The following SOX6 variants were observed in gnomAD, a reference collection of about 807,000 sequenced individuals.
SOX6 encodes the protein transcription factor SOX-6.
Under a neutral mutation model 97.8 loss-of-function variants are expected in SOX6, and 11 were observed. The ratio of observed to expected loss-of-function variants is 0.11; its 90% confidence interval spans 0.07 to 0.19. SOX6 has a LOEUF of 0.19. Ranked by LOEUF, SOX6 falls within the 10% of genes least tolerant of loss-of-function variation. The pLI is 1.00. For missense variants in SOX6, 810 were observed against 1,039.5 expected, an observed-to-expected ratio of 0.78 and a Z score of 3.04; for synonymous variants, 360 against 371.4, an observed-to-expected ratio of 0.97 and a Z score of 0.35.
chr11:16,640,991 A>C (rs1848902306), intron 3 of SOX6, among the ~76,000 whole-genome samples: 1 of 151,900 alleles, frequency 6.6e-6, no homozygotes. Context: ...AGTTCTTTTA[A>C]GTGTGATGTT....
intron 4 of SOX6, among the ~76,000 whole-genome samples, chr11:16,570,344 A>G (rs956971528): frequency 1.3e-5 from 2 of 152,152 alleles, no homozygotes; most frequent in African/African-American, 4.8e-5. Flanking sequence ...ACATATTTAA[A>G]CTTAATACAG....
At chr11:16,468,810 C>T (rs10832611) in intron 1 of SOX6, among the ~76,000 whole-genome samples, 152,312 of 152,312 alleles carry the variant, frequency 1, 76,156 homozygotes, top group Non-Finnish European at 1. Context: ...AAAGCCCTGA[C>T]TTTAAGAGTA....
rs754882233 is a variant in SOX6 at position 16,097,596 on chromosome 11, T to G, written c.978+13A>C. ...CTGGCTCATATCCCACATTTTTTTC[T>G]TCTGGCACTTACCTGGAGCTGTAAA... On this transcript the variant is annotated intron_variant, in intron 8 of 15. Transcript: ENST00000683767. 6.2e-7 allele frequency: 1 copy of G among 1,610,512 alleles called. No individual in the cohort carries two copies. The highest frequency in any genetic ancestry group is 8.5e-7 in the Non-Finnish European group (1 of 1,177,518).
chr11:16,596,010 T>C (rs1426036977), intron 4 of SOX6, among the ~76,000 whole-genome samples: 1 of 152,204 alleles, frequency 6.6e-6, no homozygotes, highest in African/African-American at 2.4e-5. Context: ...GAAGTTATGA[T>C]ATACACCAAC....
chr11:16,158,871 T>C (rs1170809405), intron 6 of SOX6, among the ~76,000 whole-genome samples: 1 of 135,880 alleles, frequency 7.4e-6, no homozygotes, highest in Non-Finnish European at 1.5e-5. Context: ...TACAGGTGTG[T>C]GTGTGTGTGT....
chr11:16,575,191 G>A (rs1428611876), intron 4 of SOX6, among the ~76,000 whole-genome samples: 2 of 152,030 alleles, frequency 1.3e-5, no homozygotes, highest in Admixed American at 6.6e-5. Context: ...TTTAAACCAT[G>A]GTAAGACAAC....
chr11:16,445,435 G>C (rs895724021), intron 1 of SOX6, among the ~76,000 whole-genome samples: 2 of 152,090 alleles, frequency 1.3e-5, no homozygotes. Context: ...CGTCCAACAT[G>C]GTTGCAGCCA....
rs1308195510 is a variant in SOX6, at chr11:15,971,006, G to C, written c.*1803C>G. 1 of 152,380 alleles carries C rather than the reference G, an allele frequency of 6.6e-6. No individual in the cohort carries two copies. The highest frequency in any genetic ancestry group is 6.5e-5 in the Admixed American group (1 of 15,272). 9.4% of individuals were successfully genotyped at this position (152,380 alleles called of 1,614,324 possible). ...AGGAGATGGGGAATAAAACCTCACT[G>C]CTTCCCACCCCAGTAGCATGTCTTC... On this transcript the variant is annotated 3_prime_UTR_variant, in exon 16 of 16. Coordinates refer to ENST00000683767, the MANE Select transcript of SOX6 (RefSeq NM_001367873.1).
intron 13 of SOX6, among the ~76,000 whole-genome samples, chr11:16,008,348 T>C (rs1462886848): frequency 2.0e-5 from 3 of 152,108 alleles, no homozygotes; most frequent in African/African-American, 7.2e-5. Context: ...TAGACAGTTA[T>C]TTCTTCCCCA....
chr11:16,179,974 T>G (rs1313976629), intron 6 of SOX6, among the ~76,000 whole-genome samples: 1 of 151,816 alleles, frequency 6.6e-6, no homozygotes, highest in East Asian at 1.9e-4. Context: ...TTGCAAAGAC[T>G]CAGTTCTAGT....
At chr11:16,329,224 C>T (rs1434315671) in intron 2 of SOX6, among the ~76,000 whole-genome samples, 1 of 151,822 alleles carries the variant, frequency 6.6e-6, no homozygotes, top group African/African-American at 2.4e-5. Flanking sequence ...ATTTCAATTC[C>T]CAGAAAAAAA....
intron 2 of SOX6, among the ~76,000 whole-genome samples, chr11:16,339,592 C>T (rs888171429): frequency 2.6e-5 from 4 of 151,958 alleles, no homozygotes; most frequent in Non-Finnish European, 2.9e-5. Context: ...TCACACATAG[C>T]AAACATCACA....
At chr11:16,261,605 T>G (rs1350583771) in intron 3 of SOX6, among the ~76,000 whole-genome samples, 1 of 151,512 alleles carries the variant, frequency 6.6e-6, no homozygotes, top group African/African-American at 2.4e-5. Context: ...TTTTGTGTAG[T>G]TTTTCTTAAT....
chr11:16,241,082 C>T (rs1302906751), intron 3 of SOX6, among the ~76,000 whole-genome samples: 1 of 152,012 alleles, frequency 6.6e-6, no homozygotes, highest in African/African-American at 2.4e-5. Context: ...GCCAGTTCTC[C>T]TATGCACACT....
chr11:16,569,729 C>T (rs547507291), intron 4 of SOX6, among the ~76,000 whole-genome samples: 1 of 151,660 alleles, frequency 6.6e-6, no homozygotes, highest in South Asian at 2.1e-4. Flanking sequence ...ATTAGCCGGG[C>T]GTGGTGGCGG....
intron 10 of SOX6, among the ~76,000 whole-genome samples, chr11:16,052,272 C>T (rs1195919353): frequency 6.6e-6 from 1 of 152,114 alleles, no homozygotes; most frequent in Non-Finnish European, 1.5e-5. Context: ...ACAGCCTGCC[C>T]TGGCCTGACA....
At chr11:16,021,078 ATAATT>A (rs1205084924) in intron 12 of SOX6, among the ~76,000 whole-genome samples, 1 of 152,194 alleles carries the variant, frequency 6.6e-6, no homozygotes, top group Non-Finnish European at 1.5e-5. Flanking sequence ...ATTTGATTAT[ATAATT>A]TAATGTGAAA....
intron 1 of SOX6, among the ~76,000 whole-genome samples, chr11:16,401,885 G>A (rs1231290248): frequency 6.6e-6 from 1 of 151,408 alleles, no homozygotes; most frequent in Non-Finnish European, 1.5e-5. Flanking sequence ...CTATAGAGAA[G>A]AATAAATATG....
chr11:16,026,279 G>A (rs1855214430), intron 12 of SOX6, among the ~76,000 whole-genome samples: 1 of 152,032 alleles, frequency 6.6e-6, no homozygotes, highest in African/African-American at 2.4e-5. Context: ...TTCATCTCAA[G>A]AAAAGCACTA....
Sources: gnomAD v4.1 joint callset for allele counts (sites outside exome capture counted in the v4.1 genomes callset) on GRCh38, gnomAD v4.1.1 for gene constraint, MANE v1.5 for transcripts, NCBI Gene and HGNC (gene_info 2026-07-23, HGNC 2026-07-21) for gene names.